The following ECPAS variants were observed in gnomAD, a reference collection of about 807,000 sequenced individuals.
The protein encoded by ECPAS is Ecm29 proteasome adaptor and scaffold.
In ECPAS, 70 loss-of-function variants were observed where a neutral mutation model predicts 255.1. The ratio of observed to expected loss-of-function variants is 0.27; its 90% CI spans 0.23 to 0.33. ECPAS has a LOEUF of 0.33. Among genes scored for constraint, ECPAS ranks in the 10% least tolerant of loss-of-function variants. The probability of loss-of-function intolerance (pLI) is 1.00; values close to 1 mark genes in which losing one functional copy is unlikely to be tolerated. For missense variants in ECPAS, 1,817 were observed against 2,206.4 expected (o/e 0.82, Z 3.54); for synonymous variants, 784 against 775.0 (o/e 1.01, Z -0.19).
intron 1 of ECPAS, among the ~76,000 whole-genome samples, chr9:111,480,827 G>A (rs2132135080): frequency 6.6e-6 from 1 of 152,312 alleles, no homozygotes; most frequent in East Asian, 1.9e-4. Flanking sequence ...AAGAAGGCAA[G>A]GATTGGAATT....
intron 32 of ECPAS, among the ~76,000 whole-genome samples, chr9:111,386,049 C>A (rs1229780329): frequency 6.6e-6 from 1 of 152,308 alleles, no homozygotes; most frequent in South Asian, 2.1e-4. Context: ...AACCTCTGCC[C>A]CCTGGCTGGG....
At chr9:111,428,515 T>G (rs915177941) in intron 9 of ECPAS, among the ~76,000 whole-genome samples, 1 of 152,220 alleles carries the variant, frequency 6.6e-6, no homozygotes, top group East Asian at 1.9e-4. Flanking sequence ...ATCTCTTCAA[T>G]GTTCGCCTTA....
rs2098224474 is a variant in ECPAS at position 111,428,142 on chromosome 9, T to C, written c.950A>G (p.Glu317Gly). 1.9e-6 allele frequency: 3 copies of C among 1,612,432 alleles called. No individual in the cohort carries two copies. Among genetic ancestry groups the C allele is most frequent in the Non-Finnish European group, 2.5e-6 (3 of 1,179,154 alleles). ...TGTACTGACAGGGTCCCTTTTCAAC[T>C]CTGGCTTCAGAACTGCACCCTGTTG... ...KTKEGAVLKP[E>G]LKRDPVSTRV... Residue 317 changes from glutamate (E) to glycine (G), a missense_variant, in exon 10 of 50, where the codon GAG (glutamate) becomes GGG (glycine). Around this residue, in one of 4 missense-constraint regions of ECPAS, gnomAD observed 573 missense variants for 716.2 expected, o/e 0.80. Transcript: ENST00000684092.
chr9:111,362,309 G>A (rs1361994463), intron 49 of ECPAS, 140 bp from the exon 50 acceptor site: 1 of 646,996 alleles, frequency 1.5e-6, no homozygotes, highest in South Asian at 2.1e-5. Context: ...GCAACCTCTT[G>A]ATAACAGATC....
intron 1 of ECPAS, among the ~76,000 whole-genome samples, chr9:111,478,762 T>A (rs926596255): frequency 6.6e-6 from 1 of 152,230 alleles, no homozygotes; most frequent in South Asian, 2.1e-4. Flanking sequence ...GAATCACATA[T>A]GATATTACTT....
Position 111,370,751 on chromosome 9 carries a change from T to C in ECPAS, c.4752A>G (p.Lys1584=), listed in dbSNP as rs748092481. 114 of 1,605,318 alleles carry C rather than the reference T, an allele frequency of 7.1e-5. No individual in the cohort carries two copies. Among genetic ancestry groups the C allele is most frequent in the Middle Eastern group, 1.6e-4 (1 of 6,072 alleles). The change falls in exon 44 of 50, where the codon AAA becomes AAG. Residue 1584 remains lysine (K), a synonymous_variant. Coordinates refer to ENST00000684092, the MANE Select transcript of ECPAS (RefSeq NM_001364929.1). ...RTWAGKEELL[K]AIACVVTACS... is the part of the protein sequence containing the mutation. ...AAGCTGTCACCACACAGGCAATGGC[T>C]TTCAATAGCTCCTCCTAAGGGGTTG...
At chr9:111,445,274 C>T (rs929050992) in intron 3 of ECPAS, among the ~76,000 whole-genome samples, 36 of 151,984 alleles carry the variant, frequency 2.4e-4, no homozygotes, top group African/African-American at 7.5e-4. Context: ...GGATTACAGG[C>T]GTGAGCCACC....
At chr9:111,386,137 TA>T (rs2098148066) in intron 32 of ECPAS, among the ~76,000 whole-genome samples, 1 of 152,208 alleles carries the variant, frequency 6.6e-6, no homozygotes, top group Admixed American at 6.5e-5. Context: ...CTGATTTTTG[TA>T]TTTTTAGTAG....
chr9:111,483,529 G>A, intron 1 of ECPAS: 22 of 978,798 alleles, frequency 2.2e-5, no homozygotes, highest in Non-Finnish European at 2.7e-5. Flanking sequence ...AGGCGGAGGC[G>A]GCGGCCGCAG....
chr9:111,446,773 A>G (rs930712382), intron 3 of ECPAS, among the ~76,000 whole-genome samples: 1 of 152,220 alleles, frequency 6.6e-6, no homozygotes, highest in East Asian at 1.9e-4. Context: ...CTGGGCCAGC[A>G]AATAGCAAAG....
chr9:111,475,206 T>C (rs796248305), intron 1 of ECPAS, among the ~76,000 whole-genome samples: 16 of 152,316 alleles, frequency 1.1e-4, no homozygotes, highest in African/African-American at 3.6e-4. Flanking sequence ...ATTTTAAAAG[T>C]CTGCTTATTG....
intron 4 of ECPAS, among the ~76,000 whole-genome samples, chr9:111,442,955 T>C (rs2098247888): frequency 6.6e-6 from 1 of 152,110 alleles, no homozygotes; most frequent in Non-Finnish European, 1.5e-5. Flanking sequence ...AGGTCAAGCA[T>C]CCCAAATTTG....
At chr9:111,379,021 TGGTA>T (rs2098137079) in intron 35 of ECPAS, among the ~76,000 whole-genome samples, 1 of 152,240 alleles carries the variant, frequency 6.6e-6, no homozygotes, top group Non-Finnish European at 1.5e-5. Context: ...TGAAATTTTA[TGGTA>T]GGAATTTATA....
intron 24 of ECPAS, among the ~76,000 whole-genome samples, chr9:111,408,142 G>C (rs546587955): frequency 3.3e-5 from 5 of 152,326 alleles, no homozygotes; most frequent in Admixed American, 1.3e-4. Context: ...GAGATACTTA[G>C]TACAGTATCT....
intron 1 of ECPAS, among the ~76,000 whole-genome samples, chr9:111,478,649 T>C (rs1355935402): frequency 3.9e-5 from 6 of 152,244 alleles, no homozygotes; most frequent in Admixed American, 2.0e-4. Context: ...TTCATTTAAA[T>C]TGATATGACG....
intron 31 of ECPAS, among the ~76,000 whole-genome samples, chr9:111,387,151 G>T (rs914944970): frequency 6.6e-6 from 1 of 151,800 alleles, no homozygotes; most frequent in African/African-American, 2.4e-5. Flanking sequence ...CAGTTATTGA[G>T]GGACAGAGTC....
At chr9:111,462,819 T>C (rs2098274773) in intron 2 of ECPAS, among the ~76,000 whole-genome samples, 1 of 149,318 alleles carries the variant, frequency 6.7e-6, no homozygotes, top group Non-Finnish European at 1.5e-5. Flanking sequence ...CTCGGCTCAC[T>C]GCAACTTCTG....
intron 24 of ECPAS, among the ~76,000 whole-genome samples, chr9:111,405,342 G>A (rs1034142048): frequency 1.3e-5 from 2 of 149,546 alleles, no homozygotes; most frequent in Admixed American, 6.6e-5. Context: ...AAGTTGTGCT[G>A]GAAAAACTAG....
At chr9:111,471,197 A>T (rs2098287613) in intron 2 of ECPAS, among the ~76,000 whole-genome samples, 1 of 152,220 alleles carries the variant, frequency 6.6e-6, no homozygotes, top group Non-Finnish European at 1.5e-5. Flanking sequence ...GTATATCATA[A>T]TGACATTAAC....
Sources: allele counts gnomAD v4.1 joint callset (sites outside exome capture counted in the v4.1 genomes callset), GRCh38; gene constraint gnomAD v4.1.1; regional missense constraint gnomAD v4.1.1; transcripts MANE v1.5; gene names NCBI Gene and HGNC (gene_info 2026-07-23, HGNC 2026-07-21).